Variants in EML1 observed in about 807,000 individuals in gnomAD.
EML1 encodes the protein echinoderm microtubule-associated protein-like 1.
A neutral mutation model predicts 110.4 loss-of-function variants in EML1; 27 were observed. The observed-to-expected ratio is 0.24, with a 90% confidence interval of 0.18 to 0.34. EML1 has a LOEUF of 0.34. EML1 is among the 10% of genes least tolerant of loss of function. The pLI, the probability that EML1 is intolerant of heterozygous loss-of-function variation, is 1.00. For synonymous variants in EML1, 344 were observed against 385.8 expected (o/e 0.89, Z 1.27); for missense variants, 741 against 1,030.9 (o/e 0.72, Z 3.85).
chr14:99,792,894 G>A (rs1269309292), upstream of EML1: 2 of 152,272 alleles, frequency 1.3e-5, no homozygotes, highest in African/African-American at 4.8e-5. Context: ...GCGTGGAAAC[G>A]GCCGAAATGT....
rs935902100 is a variant in EML1, at chr14:99,865,651, G to A, written c.383+5G>A. The A allele has an allele frequency of 6.2e-7, 1 of 1,613,674 alleles. No individual in the cohort carries two copies. Among genetic ancestry groups the A allele is most frequent in the Non-Finnish European group, 8.5e-7 (1 of 1,179,812 alleles). ...TGCTGTGCCAGCAACCAAAAGGTGA[G>A]CCAGAAGCAGGGCCTTAAATGAACT... On this transcript the variant is annotated splice_donor_5th_base_variant and intron_variant, in intron 3 of 21. Transcript: ENST00000262233.
At chr14:99,771,227 A>G (rs2057425143), upstream of EML1, among the ~76,000 whole-genome samples, 1 of 152,094 alleles carries the variant, frequency 6.6e-6, no homozygotes, top group South Asian at 2.1e-4. Flanking sequence ...CCCATTAGCA[A>G]TTGGTCCTCA....
At chr14:99,812,177 T>C (rs2058091078) in intron 1 of EML1, among the ~76,000 whole-genome samples, 1 of 151,858 alleles carries the variant, frequency 6.6e-6, no homozygotes, top group Admixed American at 6.6e-5. Flanking sequence ...TACGTGTGTG[T>C]TGGAGTTTGT....
At chr14:99,849,756 C>G (rs1305985690) in intron 1 of EML1, among the ~76,000 whole-genome samples, 1 of 151,932 alleles carries the variant, frequency 6.6e-6, no homozygotes, top group Non-Finnish European at 1.5e-5. Flanking sequence ...CCCTATTGGC[C>G]AGGCTGGTCT....
chr14:99,903,065 T>C (rs2059787502), intron 9 of EML1, among the ~76,000 whole-genome samples: 1 of 152,230 alleles, frequency 6.6e-6, no homozygotes, highest in Non-Finnish European at 1.5e-5. Flanking sequence ...ACAAATAGTT[T>C]CTAAATTCTG....
chr14:99,760,372 A>T (rs1230457855), intron 1 of EML1, among the ~76,000 whole-genome samples: 1 of 151,986 alleles, frequency 6.6e-6, no homozygotes, highest in African/African-American at 2.4e-5. Context: ...CCCCACCCTT[A>T]TGTCACAAGC....
At chr14:99,753,035 G>A (rs1312507980) in intron 1 of EML1, among the ~76,000 whole-genome samples, 1 of 152,028 alleles carries the variant, frequency 6.6e-6, no homozygotes, top group Non-Finnish European at 1.5e-5. Flanking sequence ...GGCTGCACCT[G>A]GCCCAGCCTC....
In EML1 at chr14:99,936,006, T is replaced by C. The variant is rs1008911593; in HGVS notation, c.1910-23T>C. The C allele has an allele frequency of 1.2e-6, 2 of 1,608,216 alleles. No homozygotes were observed. Among genetic ancestry groups the C allele is most frequent in the African/African-American group, 1.3e-5 (1 of 74,794 alleles). The stretch of plus-strand genomic sequence containing the variant: ...AAATGTGTATTGTTAACATCTGAAA[T>C]GTAATTTGTCATCTTTTTATAGATG... On this transcript the variant is annotated intron_variant, in intron 17 of 21. Coordinates refer to ENST00000262233, the MANE Select transcript of EML1 (RefSeq NM_004434.3). This position sits in a 1 kb window ranked among gnomAD's most constrained non-coding sequence, Gnocchi z 5.5.
intron 6 of EML1, among the ~76,000 whole-genome samples, chr14:99,895,786 C>T (rs919392492): frequency 2.0e-5 from 3 of 149,760 alleles, no homozygotes; most frequent in Non-Finnish European, 3.0e-5. Context: ...AAACTAGCTA[C>T]AGGGATGCAT....
chr14:99,922,502 A>G (rs181915189), intron 17 of EML1, among the ~76,000 whole-genome samples: 2 of 151,782 alleles, frequency 1.3e-5, no homozygotes, highest in African/African-American at 2.4e-5. Flanking sequence ...GTTTGTTTTC[A>G]TTTCTCGGGT....
chr14:99,888,955 C>T (rs1410733637), intron 4 of EML1, among the ~76,000 whole-genome samples: 2 of 152,208 alleles, frequency 1.3e-5, no homozygotes, highest in Non-Finnish European at 2.9e-5. Flanking sequence ...CTCAGACGCA[C>T]TCCGCTTTTC....
chr14:99,890,711 C>G (rs181751914), intron 4 of EML1, among the ~76,000 whole-genome samples: 1 of 152,102 alleles, frequency 6.6e-6, no homozygotes. Flanking sequence ...TGGTGTTCCC[C>G]GCTTCTCTTT....
chr14:99,739,660 T>C (rs1424507770), intron 1 of EML1, among the ~76,000 whole-genome samples: 2 of 152,130 alleles, frequency 1.3e-5, no homozygotes, highest in East Asian at 3.9e-4. Context: ...TTGTCTCTAA[T>C]ATGTGGGTTT....
At chr14:99,763,970 G>A (rs541403502) in intron 1 of EML1, among the ~76,000 whole-genome samples, 2 of 152,196 alleles carry the variant, frequency 1.3e-5, no homozygotes, top group African/African-American at 4.8e-5. Flanking sequence ...CTGGGGGTGT[G>A]TTGGGGCCGC....
At chr14:99,874,799 GC>G (rs1719347812) in intron 3 of EML1, 1 of 632,620 alleles carries the variant, frequency 1.6e-6, no homozygotes, top group African/African-American at 1.9e-5. Context: ...GTCTATATTT[GC>G]GAACCAAAAT....
intron 1 of EML1, among the ~76,000 whole-genome samples, chr14:99,841,016 T>A (rs2139804044): frequency 6.6e-6 from 1 of 152,310 alleles, no homozygotes; most frequent in Middle Eastern, 3.4e-3. Flanking sequence ...ACCCATGGCA[T>A]CCCTTGAAAC....
chr14:99,793,742 G>C, intron 1 of EML1, among the ~76,000 whole-genome samples, 199 bp downstream of exon 1: 1 of 146,708 alleles, frequency 6.8e-6, no homozygotes, highest in African/African-American at 2.4e-5. Context: ...GCCTCGCTCC[G>C]GGCCGCCCCG....
chr14:99,897,193 G>A lies in EML1; in HGVS notation c.726G>A (p.Pro242=), dbSNP rs368509823. Reference sequence around the variant, plus strand: ...GCCGTAACAACCTGTACTTGCTTCCGACGGGAGAGACCGTCTACTTCATCG... The same window carrying A: ...GCCGTAACAACCTGTACTTGCTTCCAACGGGAGAGACCGTCTACTTCATCG... ...RDCRNNLYLL[P]TGETVYFIAS... Residue 242 remains proline, a synonymous_variant, in exon 7 of 22, where the codon CCG becomes CCA. Coordinates refer to ENST00000262233, the MANE Select transcript of EML1 (RefSeq NM_004434.3). 106 of 1,612,858 alleles carry A rather than the reference G, an allele frequency of 6.6e-5. 1 individual carries two copies. The highest frequency in any genetic ancestry group is 1.1e-4 in the East Asian group (5 of 44,766).
At chr14:99,797,041 C>T (rs1369168287) in intron 1 of EML1, among the ~76,000 whole-genome samples, 3 of 152,006 alleles carry the variant, frequency 2.0e-5, no homozygotes, top group Non-Finnish European at 2.9e-5. Context: ...CCAGTTGTTA[C>T]CACTCTCTGA....
Sources: gnomAD v4.1 joint callset for allele counts (sites outside exome capture counted in the v4.1 genomes callset) on GRCh38, gnomAD v4.1.1 for gene constraint, Gnocchi (gnomAD v3.1) non-coding constraint, MANE v1.5 for transcripts, NCBI Gene and HGNC (gene_info 2026-07-23, HGNC 2026-07-21) for gene names.